MMD2: variants seen among roughly 807,000 people sequenced by gnomAD.
MMD2 encodes the protein monocyte to macrophage differentiation associated 2.
A neutral mutation model predicts 33.5 loss-of-function variants in MMD2; 30 were observed. The ratio of observed to expected loss-of-function variants is 0.90; its 90% CI spans 0.67 to 1.22. MMD2 has a LOEUF of 1.22. MMD2 is among the 50% of genes most tolerant of loss of function. The probability of loss-of-function intolerance (pLI) is 0.00; values close to 1 mark genes in which losing one functional copy is unlikely to be tolerated. For synonymous variants in MMD2, 129 were observed against 123.0 expected, an observed-to-expected ratio of 1.05 and a Z score of -0.32; for missense variants, 364 against 325.4, an observed-to-expected ratio of 1.12 and a Z score of -0.91.
At chr7:4,932,147 G>A (rs975388058) in intron 1 of MMD2, among the ~76,000 whole-genome samples, 6 of 152,256 alleles carry the variant, frequency 3.9e-5, no homozygotes, top group African/African-American at 7.2e-5. Context: ...TTGCCGTGGC[G>A]ACCTGGGGCG....
At chr7:4,894,640 G>C in the MMD2 span, among the ~76,000 whole-genome samples, 1 of 152,006 alleles carries the variant, frequency 6.6e-6, no homozygotes, top group Non-Finnish European at 1.5e-5. This position sits in a 1 kb window ranked among gnomAD's most constrained non-coding sequence, Gnocchi z 4.3. Context: ...GGAATGGATT[G>C]TTTCACTCAG....
downstream of MMD2, among the ~76,000 whole-genome samples, chr7:4,903,683 C>G (rs1450289454): frequency 6.6e-6 from 1 of 152,192 alleles, no homozygotes; most frequent in African/African-American, 2.4e-5. Context: ...GCTGCCCTCC[C>G]AAATGTGAGT....
downstream of MMD2, among the ~76,000 whole-genome samples, chr7:4,904,347 T>C (rs1784833101): frequency 6.6e-6 from 1 of 152,156 alleles, no homozygotes; most frequent in Non-Finnish European, 1.5e-5. Flanking sequence ...CTACTTAGGA[T>C]ACATTCAGAG....
intron 1 of MMD2, among the ~76,000 whole-genome samples, chr7:4,958,256 C>T (rs1254192658): frequency 1.3e-5 from 2 of 152,110 alleles, no homozygotes; most frequent in Non-Finnish European, 2.9e-5. Flanking sequence ...AAGCACATCT[C>T]CCAACAAAAT....
chr7:4,958,915 C>CCCG, intron 1 of MMD2, 56 bp downstream of exon 1: 1 of 1,276,438 alleles, frequency 7.8e-7, no homozygotes, highest in Non-Finnish European at 1.0e-6. Flanking sequence ...CTCCGCGGCC[C>CCCG]CCGCCGCCGC....
rs897648816 is a variant in MMD2 at position 4,916,093 on chromosome 7, G to A, written c.291-14C>T. ...TGTTCCACCATCCTAGGGCGGCAGA[G>A]AAGCCGGCAGTCACAGCCCCTGCAC... is the stretch of plus-strand genomic sequence containing the variant. On this transcript the variant is annotated splice_polypyrimidine_tract_variant and intron_variant, in intron 3 of 6. Coordinates refer to ENST00000401401, the MANE Select transcript of MMD2 (RefSeq NM_198403.4). 4 of 1,612,870 alleles carry A rather than the reference G, an allele frequency of 2.5e-6. No individual in the cohort carries two copies. The African/African-American group carries it at 5.3e-5, about 22-fold the overall frequency.
chr7:4,911,370 G>A, intron 4 of MMD2, 124 bp from the exon 5 acceptor site: 1 of 678,496 alleles, frequency 1.5e-6, no homozygotes, highest in South Asian at 1.8e-5. Flanking sequence ...CTCCACGGCT[G>A]GGACATGGGC....
chr7:4,914,507 G>A (rs1785093086), intron 4 of MMD2, among the ~76,000 whole-genome samples: 1 of 152,042 alleles, frequency 6.6e-6, no homozygotes, highest in Non-Finnish European at 1.5e-5. Context: ...TTGGTTTTCG[G>A]TTTGTTTGTT....
chr7:4,936,809 A>T (rs55862927), intron 1 of MMD2, among the ~76,000 whole-genome samples: 1 of 151,806 alleles, frequency 6.6e-6, no homozygotes, highest in Non-Finnish European at 1.5e-5. Flanking sequence ...ATCTCAGCTC[A>T]GTGCAACTTC....
At chr7:4,926,100 C>A (rs1367146173) in intron 1 of MMD2, among the ~76,000 whole-genome samples, 1 of 151,666 alleles carries the variant, frequency 6.6e-6, no homozygotes, top group Middle Eastern at 3.4e-3. Flanking sequence ...GATACCACGC[C>A]GGGCTTTTTT....
rs1012617556 is a variant in MMD2 at position 4,940,362 on chromosome 7, G to A, written c.48-14830C>T. On this transcript the variant is annotated intron_variant, in intron 1 of 6. Transcript: ENST00000401401. The surrounding 1 kb of genome is among the most constrained non-coding windows in gnomAD (Gnocchi z 5.0). ...AAGAAGCCTGACCCCTTTCATGAAT[G>A]AGCCCGGGCCCCGGAACGCGGCTGC... 7.9e-5 allele frequency among the ~76,000 whole-genome samples: 12 copies of A among 152,314 alleles called. No homozygotes were observed. The highest frequency in any genetic ancestry group is 4.1e-4 in the South Asian group (2 of 4,828).
intron 1 of MMD2, among the ~76,000 whole-genome samples, chr7:4,926,075 G>A (rs902893051): frequency 6.6e-6 from 1 of 152,060 alleles, no homozygotes; most frequent in Middle Eastern, 3.2e-3. Context: ...CCAAGTGCTG[G>A]GATTACAGGC....
At chr7:4,915,894 C>T in intron 4 of MMD2, 111 bp downstream of exon 4, 1 of 1,076,970 alleles carries the variant, frequency 9.3e-7, no homozygotes, top group African/African-American at 1.6e-5. Flanking sequence ...AAGCTTTTAA[C>T]CTAACTCCTT....
intron 2 of MMD2, among the ~76,000 whole-genome samples, chr7:4,924,763 G>A (rs959247754): frequency 6.6e-5 from 10 of 152,144 alleles, no homozygotes; most frequent in Admixed American, 3.9e-4. Context: ...GGAACAGCCC[G>A]TGCAAAGGCA....
At chr7:4,956,103 T>C (rs1786375831) in intron 1 of MMD2, among the ~76,000 whole-genome samples, 1 of 152,092 alleles carries the variant, frequency 6.6e-6, no homozygotes, top group South Asian at 2.1e-4. Flanking sequence ...ATATTACTCA[T>C]GGACAGCCCT....
intron 4 of MMD2, 68 bp downstream of exon 4, chr7:4,915,937 G>C: frequency 1.3e-6 from 2 of 1,515,232 alleles, no homozygotes; most frequent in Admixed American, 1.7e-5. Flanking sequence ...CAGCCAAATA[G>C]AAAAATAAAT....
downstream of MMD2, among the ~76,000 whole-genome samples, chr7:4,903,035 C>T (rs541230366): frequency 4.8e-4 from 73 of 152,248 alleles, no homozygotes; most frequent in African/African-American, 1.7e-3. Flanking sequence ...GTCAGGAGTT[C>T]GAGACCAGCC....
chr7:4,952,544 C>T (rs1786274344), intron 1 of MMD2, among the ~76,000 whole-genome samples: 2 of 152,290 alleles, frequency 1.3e-5, no homozygotes, highest in South Asian at 2.1e-4. Flanking sequence ...TTATTTGGCA[C>T]CTACTGTATA....
chr7:4,952,704 T>C (rs1486460232), intron 1 of MMD2, among the ~76,000 whole-genome samples: 1 of 148,734 alleles, frequency 6.7e-6, no homozygotes, highest in East Asian at 2.0e-4. Flanking sequence ...TTTTTTTTTT[T>C]TTTTTGAGAC....
Sources: gnomAD v4.1 joint callset for allele counts (sites outside exome capture counted in the v4.1 genomes callset) on GRCh38, gnomAD v4.1.1 for gene constraint, Gnocchi (gnomAD v3.1) non-coding constraint, MANE v1.5 for transcripts, NCBI Gene and HGNC (gene_info 2026-07-23, HGNC 2026-07-21) for gene names.